The following YBX2 variants were observed in gnomAD, a reference collection of about 807,000 sequenced individuals.
YBX2 encodes the protein Y-box-binding protein 2.
YBX2 carries 5 observed loss-of-function variants against 44.4 expected under a neutral mutation model. The ratio of observed to expected loss-of-function variants is 0.11; its 90% CI spans 0.06 to 0.24. YBX2 has a LOEUF of 0.24. Among genes scored for constraint, YBX2 ranks in the 10% least tolerant of loss-of-function variants. The pLI, the probability that YBX2 is intolerant of heterozygous loss-of-function variation, is 1.00. For synonymous variants in YBX2, 188 were observed against 216.1 expected (o/e 0.87, Z 1.14); for missense variants, 417 against 526.9 (o/e 0.79, Z 2.04).
At chr17:7,290,604 CCCTTCTTT>C in intron 4 of YBX2, 69 bp from the exon 5 acceptor site, 1 of 1,563,990 alleles carries the variant, frequency 6.4e-7, no homozygotes, top group Non-Finnish European at 8.7e-7. Flanking sequence ...AACTTGCTTC[CCCTTCTTT>C]CAGGGGAAGA....
intron 2 of YBX2, 176 bp downstream of exon 2, chr17:7,293,299 G>A (rs1394710053): frequency 2.6e-6 from 3 of 1,159,334 alleles, no homozygotes; most frequent in African/African-American, 1.5e-5. Context: ...TGCGGAGGAG[G>A]CTTCCTCTTG....
At chr17:7,288,912 G>C in intron 7 of YBX2, 74 bp from the exon 8 acceptor site, 5 of 1,585,020 alleles carry the variant, frequency 3.2e-6, no homozygotes, top group Admixed American at 1.7e-5. Flanking sequence ...AGGTTGGATG[G>C]AGTACAGTGG....
chr17:7,288,789 C>T lies in YBX2; in HGVS notation c.1094G>A (p.Ter365=). 6.2e-7 allele frequency: 1 copy of T among 1,614,054 alleles called. No homozygotes were observed. The highest frequency in any genetic ancestry group is 2.2e-5 in the East Asian group (1 of 44,874). ...GGTGTCCTCTGAGTTGAGTTGGAAT[C>T]ACTCCAGGATGGTGGTGGTGGGGTC... ...SGDPTTTILE[*] Residue 365 remains the stop codon, a stop_retained_variant, in exon 8 of 9, where the codon TGA becomes TAA. Transcript: ENST00000007699.
rs1248801169 is a variant in YBX2 at position 7,294,507 on chromosome 17, G to A, written c.-7C>T. 2 of 1,466,932 alleles carry A rather than the reference G, an allele frequency of 1.4e-6. No homozygotes were observed. Among genetic ancestry groups the A allele is most frequent in the South Asian group, 1.3e-5 (1 of 79,324 alleles). The allele number at this position is 1,466,932 out of a possible 1,614,324, so 90.9% of individuals were successfully genotyped here. ...CCGCCTCCACCTCGCTCATCCCGCC[G>A]GGTCCAGTACCGGCCACAGCCGCCA... On this transcript the variant is annotated 5_prime_UTR_variant, in exon 1 of 9. Transcript: ENST00000007699. This position sits in a 1 kb window ranked among gnomAD's most constrained non-coding sequence, Gnocchi z 4.6.
At position 7,288,545 on chromosome 17, in the gene YBX2, GA is replaced by G. The variant is rs1233600570; in HGVS notation, c.*137del. ...TGCTTTGGTCCTCCTGAGTCTCAAG[GA>G]AAAGGTGAAAAGCTGGTGTTTTGAT... On this transcript the variant is annotated 3_prime_UTR_variant, in exon 9 of 9. Coordinates refer to ENST00000007699, the MANE Select transcript of YBX2 (RefSeq NM_015982.4). 8 of 508,030 alleles carry G rather than the reference GA, an allele frequency of 1.6e-5. No homozygotes were observed. The highest frequency in any genetic ancestry group is 5.4e-4 in the Middle Eastern group (1 of 1,858). 31.5% of individuals were successfully genotyped at this position (508,030 alleles called of 1,614,324 possible).
chr17:7,291,016 G>T lies in YBX2; in HGVS notation c.459+77C>A, dbSNP rs2072497970. Reference sequence around the variant, plus strand: ...AACGGGTCAGAGCTGGCCCCAGGAGGGTCTTAGCCTGTGATGACCTCCAGG... The same window carrying T: ...AACGGGTCAGAGCTGGCCCCAGGAGTGTCTTAGCCTGTGATGACCTCCAGG... On this transcript the variant is annotated intron_variant, in intron 4 of 8. Coordinates refer to ENST00000007699, the MANE Select transcript of YBX2 (RefSeq NM_015982.4). This position sits in a 1 kb window ranked among gnomAD's most constrained non-coding sequence, Gnocchi z 5.8. 1 of 1,438,384 alleles carries T rather than the reference G, an allele frequency of 7.0e-7. No homozygotes were observed. The highest frequency in any genetic ancestry group is 1.4e-5 in the African/African-American group (1 of 71,192). The allele number at this position is 1,438,384 out of a possible 1,614,324, so 89.1% of individuals were successfully genotyped here. A position where few individuals can be genotyped will look rare whatever the true frequency, so the allele number is the denominator to read the frequency against.
At chr17:7,289,437 G>A in intron 7 of YBX2, 93 bp downstream of exon 7, 1 of 1,526,834 alleles carries the variant, frequency 6.5e-7, no homozygotes, top group Non-Finnish European at 8.8e-7. Flanking sequence ...GGGGAGGGGA[G>A]GAGCCAAAGG....
rs139586673 is a variant in YBX2, at chr17:7,290,949, A to G, written c.459+144T>C. On this transcript the variant is annotated intron_variant, in intron 4 of 8. Transcript: ENST00000007699. The stretch of plus-strand genomic sequence containing the variant: ...ACATCCCTTAGCCCTAGCATTAAGG[A>G]AGAGGACATCAGGGTGAGAGAACAC... 632 of 847,666 alleles carry G rather than the reference A, an allele frequency of 7.5e-4. 3 individuals are homozygous for G. In the African/African-American group the frequency reaches 9.6e-3, roughly 13 times the overall value. The allele number at this position is 847,666 out of a possible 1,614,324, so 52.5% of individuals were successfully genotyped here.
In YBX2 at chr17:7,291,975, G is replaced by A; in HGVS notation, c.369+51C>T. 4 of 1,609,860 alleles carry A rather than the reference G, an allele frequency of 2.5e-6. No individual in the cohort carries two copies. Among genetic ancestry groups the A allele is most frequent in the Non-Finnish European group, 3.4e-6 (4 of 1,176,174 alleles). ...CGCACTGCTAAGGATTACAGCAAAGGCCTTCAAAGACGGCCGGTTCTTCCC... is the reference window on the plus strand; with the variant it reads ...CGCACTGCTAAGGATTACAGCAAAGACCTTCAAAGACGGCCGGTTCTTCCC... On this transcript the variant is annotated intron_variant, in intron 3 of 8. Transcript: ENST00000007699. The surrounding 1 kb of genome is among the most constrained non-coding windows in gnomAD (Gnocchi z 5.8).
At chr17:7,289,889 A>G (rs773510736) in intron 6 of YBX2, 79 bp downstream of exon 6, 95 of 1,595,706 alleles carry the variant, frequency 6.0e-5, no homozygotes, top group Non-Finnish European at 8.0e-5. Flanking sequence ...CTAGAGCTTC[A>G]CCCTTCCATC....
intron 1 of YBX2, 69 bp from the exon 2 acceptor site, chr17:7,293,607 A>G (rs2072517363): frequency 1.2e-6 from 2 of 1,609,374 alleles, no homozygotes. Context: ...CAGTTTTGAG[A>G]CACTCCAAAA....
chr17:7,289,296 G>C (rs2072479094), intron 7 of YBX2, among the ~76,000 whole-genome samples: 2 of 64,256 alleles, frequency 3.1e-5, no homozygotes, highest in Admixed American at 3.0e-4. Flanking sequence ...GGGATGGGTT[G>C]GGGGGGGCAT....
intron 6 of YBX2, 74 bp from the exon 7 acceptor site, chr17:7,289,799 C>A: frequency 6.2e-7 from 1 of 1,601,494 alleles, no homozygotes. Context: ...TGCCCCACCC[C>A]ACCTCCAGGA....
chr17:7,294,351 G>GGCGGCT lies in YBX2; in HGVS notation c.144_149dup (p.Ala49_Ala50dup), dbSNP rs1248955720. The GGCGGCT allele has an allele frequency of 8.4e-5, 114 of 1,358,136 alleles. No homozygotes were observed. In the African/African-American group the frequency reaches 1.1e-3, roughly 14 times the overall value. 84.1% of individuals were successfully genotyped at this position (1,358,136 alleles called of 1,614,324 possible). A position where few individuals can be genotyped will look rare whatever the true frequency, so the allele number is the denominator to read the frequency against. On this transcript the variant is annotated inframe_insertion, in exon 1 of 9. Coordinates refer to ENST00000007699, the MANE Select transcript of YBX2 (RefSeq NM_015982.4). This position sits in a 1 kb window ranked among gnomAD's most constrained non-coding sequence, Gnocchi z 4.6. ...AGGGGGTCCCAGCAGCGGGGCCCGA[G>GGCGGCT]GCGGCTCCGCCCCCGCCGCCCGCCC...
At position 7,294,408 on chromosome 17, in the gene YBX2, C is replaced by G; in HGVS notation, c.93G>C (p.Pro31=). ...TAAGVVAVVV[P]VPAGEPQKGG... ...CTTTCTGCGGCTCCCCTGCGGGCAC[C>G]GGTACCACCACCGCTACCACCCCTG... is the stretch of plus-strand genomic sequence containing the variant. The change falls in exon 1 of 9, where the codon CCG becomes CCC. Residue 31 remains proline (P), a synonymous_variant. Coordinates refer to ENST00000007699, the MANE Select transcript of YBX2 (RefSeq NM_015982.4). This position sits in a 1 kb window ranked among gnomAD's most constrained non-coding sequence, Gnocchi z 4.6. 1 of 1,454,328 alleles carries G rather than the reference C, an allele frequency of 6.9e-7. No homozygotes were observed. The highest frequency in any genetic ancestry group is 9.0e-7 in the Non-Finnish European group (1 of 1,105,966). The allele number at this position is 1,454,328 out of a possible 1,614,324, so 90.1% of individuals were successfully genotyped here.
chr17:7,293,166 G>T, intron 2 of YBX2: 1 of 459,512 alleles, frequency 2.2e-6, no homozygotes, highest in East Asian at 4.5e-5. Context: ...AATACATTCT[G>T]CCCCAAAGGC....
rs949042212 is a variant in YBX2 at position 7,294,119 on chromosome 17, G to C, written c.271+111C>G. ...CAGCTCCCAGCCCAGTTAGCGCTCT[G>C]GGCCTGCGGGCCAGGCCGCCTTTGG... is the stretch of plus-strand genomic sequence containing the variant. On this transcript the variant is annotated intron_variant, in intron 1 of 8. Transcript: ENST00000007699. This position sits in a 1 kb window ranked among gnomAD's most constrained non-coding sequence, Gnocchi z 4.6. The C allele has an allele frequency of 5.1e-5, 59 of 1,156,878 alleles. No homozygotes were observed. The highest frequency in any genetic ancestry group is 8.7e-6 in the Non-Finnish European group (8 of 919,500). 71.7% of individuals were successfully genotyped at this position (1,156,878 alleles called of 1,614,324 possible). A position where few individuals can be genotyped will look rare whatever the true frequency, so the allele number is the denominator to read the frequency against.
At chr17:7,293,375 A>C in intron 2 of YBX2, 100 bp downstream of exon 2, 2 of 1,581,500 alleles carry the variant, frequency 1.3e-6, no homozygotes, top group Non-Finnish European at 1.7e-6. Flanking sequence ...CATTGCAACC[A>C]TGTGCCTCCG....
intron 2 of YBX2, 96 bp from the exon 3 acceptor site, chr17:7,292,155 C>T: frequency 7.2e-7 from 1 of 1,379,948 alleles, no homozygotes. Flanking sequence ...GCTCAGTGGG[C>T]CCATCCTCTC....
Sources: gnomAD v4.1 joint callset for allele counts (sites outside exome capture counted in the v4.1 genomes callset) on GRCh38, gnomAD v4.1.1 for gene constraint, Gnocchi (gnomAD v3.1) non-coding constraint, MANE v1.5 for transcripts, NCBI Gene and HGNC (gene_info 2026-07-23, HGNC 2026-07-21) for gene names.